Variants in TMEM196 observed in about 807,000 individuals in gnomAD.
TMEM196 encodes the protein transmembrane protein 196.
Under a neutral mutation model 20.0 loss-of-function variants are expected in TMEM196, and 17 were observed. The ratio of observed to expected loss-of-function variants is 0.85; its 90% CI spans 0.58 to 1.27. The LOEUF is 1.27. Ranked by LOEUF, TMEM196 falls within the 50% of genes most tolerant of loss-of-function variation. TMEM196 has a pLI of 0.00. For synonymous variants in TMEM196, 113 were observed against 88.9 expected (o/e 1.27, Z -1.52); for missense variants, 267 against 223.0 (o/e 1.20, Z -1.26).
At chr7:19,764,280 A>C (rs1362387200) in intron 1 of TMEM196, among the ~76,000 whole-genome samples, 1 of 152,188 alleles carries the variant, frequency 6.6e-6, no homozygotes, top group African/African-American at 2.4e-5. Flanking sequence ...TCTTGAACTC[A>C]TGATTGTCAA....
intron 1 of TMEM196, among the ~76,000 whole-genome samples, chr7:19,737,693 A>G (rs774122195): frequency 3.3e-5 from 5 of 151,956 alleles, no homozygotes; most frequent in African/African-American, 4.8e-5. Context: ...AATTCTGTAA[A>G]CTTTTGGAAA....
At chr7:19,737,097 G>A (rs1426669621) in intron 1 of TMEM196, among the ~76,000 whole-genome samples, 1 of 151,784 alleles carries the variant, frequency 6.6e-6, no homozygotes, top group Non-Finnish European at 1.5e-5. Flanking sequence ...GAAATAAACT[G>A]AAATTAAACA....
At chr7:19,737,249 T>A (rs1038403190) in intron 1 of TMEM196, among the ~76,000 whole-genome samples, 7 of 151,912 alleles carry the variant, frequency 4.6e-5, no homozygotes, top group African/African-American at 1.7e-4. Context: ...ATTATAAATT[T>A]AAACAACAGT....
chr7:19,766,238 G>T (rs1785623034), intron 1 of TMEM196, among the ~76,000 whole-genome samples: 1 of 152,072 alleles, frequency 6.6e-6, no homozygotes, highest in African/African-American at 2.4e-5. Flanking sequence ...AGTATATATA[G>T]ATTAGATCTG....
chr7:19,770,952 G>GGT (rs975862547), intron 1 of TMEM196, among the ~76,000 whole-genome samples: 3 of 142,668 alleles, frequency 2.1e-5, no homozygotes, highest in African/African-American at 7.6e-5. Flanking sequence ...GAATTTCGTT[G>GGT]GGGGCGGGGA....
intron 1 of TMEM196, among the ~76,000 whole-genome samples, chr7:19,735,423 T>C (rs891765038): frequency 7.9e-5 from 12 of 152,200 alleles, no homozygotes; most frequent in African/African-American, 2.7e-4. Flanking sequence ...ACCCTTTTCT[T>C]TCCCTGCTAG....
At chr7:19,761,379 T>C (rs2128037546) in intron 1 of TMEM196, among the ~76,000 whole-genome samples, 1 of 152,356 alleles carries the variant, frequency 6.6e-6, no homozygotes, top group South Asian at 2.1e-4. Flanking sequence ...CCATACACCG[T>C]GTTTCTTCCA....
chr7:19,729,306 G>C lies in TMEM196; in HGVS notation c.204+76C>G, dbSNP rs1053864484. 4.6e-6 allele frequency: 6 copies of C among 1,295,874 alleles called. No individual in the cohort carries two copies. In the African/African-American group the frequency reaches 9.3e-5, roughly 20 times the overall value. 80.3% of individuals were successfully genotyped at this position (1,295,874 alleles called of 1,614,324 possible). A position where few individuals can be genotyped will look rare whatever the true frequency, so the allele number is the denominator to read the frequency against. ...AGCAATATTCAGTATATGAAAGCTG[G>C]CTAGCCATCATTTCTATTTTAGAAT... is the stretch of plus-strand genomic sequence containing the variant. On this transcript the variant is annotated intron_variant, in intron 2 of 4. Transcript: ENST00000405844.
intron 1 of TMEM196, among the ~76,000 whole-genome samples, chr7:19,769,940 T>G (rs867419775): frequency 2.0e-5 from 3 of 152,094 alleles, no homozygotes; most frequent in Admixed American, 6.6e-5. Flanking sequence ...GAGGGCCAAC[T>G]GTATTTAATT....
chr7:19,729,994 C>CACCTGT (rs1784138753), intron 1 of TMEM196, among the ~76,000 whole-genome samples: 1 of 152,116 alleles, frequency 6.6e-6, no homozygotes, highest in African/African-American at 2.4e-5. Flanking sequence ...CGGTGGCTCA[C>CACCTGT]ACCTGTAATC....
chr7:19,725,644 A>C lies in TMEM196; in HGVS notation c.329T>G (p.Leu110Arg). 1.2e-6 allele frequency: 2 copies of C among 1,614,150 alleles called. No homozygotes were observed. Among genetic ancestry groups the C allele is most frequent in the Non-Finnish European group, 1.7e-6 (2 of 1,180,000 alleles). ...GCAGCCCCCGATCCCAATGCACGCGAGAGACATGGAGGCAAGGTGCAGTGG... is the reference window on the plus strand; with the variant it reads ...GCAGCCCCCGATCCCAATGCACGCGCGAGACATGGAGGCAAGGTGCAGTGG... ...LYPLHLASMS[L>R]ACIGIGGCTL... The change falls in exon 3 of 5, where the codon CTC becomes CGC. Residue 110 changes from leucine to arginine, a missense_variant. Leu to Arg is a moderately radical substitution (Grantham distance 102). Transcript: ENST00000405844.
chr7:19,761,377 C>T (rs180964168), intron 1 of TMEM196, among the ~76,000 whole-genome samples: 168 of 152,232 alleles, frequency 1.1e-3, no homozygotes, highest in Non-Finnish European at 1.8e-3. Flanking sequence ...TTCCATACAC[C>T]GTGTTTCTTC....
chr7:19,757,255 C>T (rs544227728), intron 1 of TMEM196, among the ~76,000 whole-genome samples: 54 of 149,324 alleles, frequency 3.6e-4, no homozygotes, highest in African/African-American at 1.3e-3. Flanking sequence ...CTCACTGCAA[C>T]CTCCGCCTCC....
At chr7:19,753,420 A>T (rs1242508660) in intron 1 of TMEM196, among the ~76,000 whole-genome samples, 1 of 152,146 alleles carries the variant, frequency 6.6e-6, no homozygotes, top group Non-Finnish European at 1.5e-5. Context: ...ATCTCAGCAC[A>T]TGTTCATTCT....
At chr7:19,758,012 T>A (rs1785285940) in intron 1 of TMEM196, among the ~76,000 whole-genome samples, 1 of 151,716 alleles carries the variant, frequency 6.6e-6, no homozygotes, top group Admixed American at 6.6e-5. Context: ...TGTAGTAAAT[T>A]TATAAATTTT....
intron 1 of TMEM196, among the ~76,000 whole-genome samples, chr7:19,755,255 A>C (rs1006573972): frequency 1.3e-5 from 2 of 152,222 alleles, no homozygotes; most frequent in African/African-American, 2.4e-5. Context: ...TTTGGTAATT[A>C]TTAATTATAT....
At chr7:19,726,593 G>T (rs963765333) in intron 2 of TMEM196, among the ~76,000 whole-genome samples, 16 of 151,562 alleles carry the variant, frequency 1.1e-4, no homozygotes, top group South Asian at 8.4e-4. Flanking sequence ...CTTTGCTTTT[G>T]GTCCTACTAT....
chr7:19,759,691 TTATC>T (rs1357854684), intron 1 of TMEM196, among the ~76,000 whole-genome samples: 7 of 151,902 alleles, frequency 4.6e-5, no homozygotes, highest in African/African-American at 1.7e-4. Context: ...TTTTTTCTAA[TTATC>T]TACTTCTCAA....
In TMEM196 at chr7:19,719,319, T is replaced by C. The variant is rs1783741078; in HGVS notation, c.*2809A>G. The C allele has an allele frequency of 6.6e-6, 1 of 152,136 alleles. No homozygotes were observed. The highest frequency in any genetic ancestry group is 1.9e-4 in the East Asian group (1 of 5,202). The allele number at this position is 152,136 out of a possible 1,614,324, so 9.4% of individuals were successfully genotyped here. A position where few individuals can be genotyped will look rare whatever the true frequency, so the allele number is the denominator to read the frequency against. On this transcript the variant is annotated 3_prime_UTR_variant, in exon 5 of 5. Coordinates refer to ENST00000405844, the MANE Select transcript of TMEM196 (RefSeq NM_001363562.2). ...AAAGAAAGCCAACACCATATATAGT[T>C]TCAAAGCACATCATTTTATTATAGA...
Sources: gnomAD v4.1 joint callset for allele counts (sites outside exome capture counted in the v4.1 genomes callset) on GRCh38, gnomAD v4.1.1 for gene constraint, MANE v1.5 for transcripts, NCBI Gene and HGNC (gene_info 2026-07-23, HGNC 2026-07-21) for gene names.